WDR72: variants seen among roughly 807,000 people sequenced by gnomAD.
WDR72 encodes the protein WD repeat-containing protein 72.
WDR72 carries 120 observed loss-of-function variants against 124.2 expected under a neutral mutation model. The observed-to-expected ratio is 0.97, with a 90% CI of 0.83 to 1.12. WDR72 has a LOEUF of 1.12. WDR72 is among the 50% of genes most tolerant of loss of function. The pLI is 0.00. For synonymous variants in WDR72, 452 were observed against 441.7 expected, an observed-to-expected ratio of 1.02 and a Z score of -0.29; for missense variants, 1,387 against 1,278.8, an observed-to-expected ratio of 1.08 and a Z score of -1.29.
intron 11 of WDR72, among the ~76,000 whole-genome samples, chr15:53,703,240 A>C (rs1206810743): frequency 1.3e-5 from 2 of 152,188 alleles, no homozygotes; most frequent in African/African-American, 4.8e-5. Context: ...AGAATGACTA[A>C]GTCTAGTATA....
chr15:53,724,545 G>C (rs1413495103), intron 2 of WDR72, among the ~76,000 whole-genome samples: 1 of 151,446 alleles, frequency 6.6e-6, no homozygotes, highest in African/African-American at 2.5e-5. Context: ...CAGAGCAGGA[G>C]ACAGAGAGTG....
chr15:53,553,892 C>T (rs1331322086), intron 18 of WDR72, among the ~76,000 whole-genome samples: 1 of 152,084 alleles, frequency 6.6e-6, no homozygotes, highest in African/African-American at 2.4e-5. Flanking sequence ...AGAAATATGG[C>T]TTTAAACTAA....
chr15:53,735,866 C>G (rs2018338748), intron 1 of WDR72, among the ~76,000 whole-genome samples: 1 of 150,124 alleles, frequency 6.7e-6, no homozygotes, highest in African/African-American at 2.4e-5. Flanking sequence ...AATTAAAAAC[C>G]CAAAGAAAAA....
intron 18 of WDR72, among the ~76,000 whole-genome samples, chr15:53,556,069 T>C (rs975407910): frequency 1.3e-5 from 2 of 152,174 alleles, no homozygotes; most frequent in African/African-American, 4.8e-5. Context: ...TGGATGACAA[T>C]GTATTCCATC....
chr15:53,621,038 CAT>C (rs1252510437), intron 14 of WDR72, among the ~76,000 whole-genome samples: 11 of 151,916 alleles, frequency 7.2e-5, no homozygotes, highest in Admixed American at 5.9e-4. Flanking sequence ...TGCCAACAAA[CAT>C]ATAAAAAATG....
chr15:53,732,975 A>G (rs775058287), intron 2 of WDR72, 22 bp downstream of exon 2: 3 of 1,613,980 alleles, frequency 1.9e-6, no homozygotes, highest in Non-Finnish European at 2.5e-6. Context: ...TGTCTGTTTC[A>G]ATATCAGTAG....
At chr15:53,581,405 C>T (rs1321775722) in intron 18 of WDR72, among the ~76,000 whole-genome samples, 1 of 151,948 alleles carries the variant, frequency 6.6e-6, no homozygotes, top group Non-Finnish European at 1.5e-5. Flanking sequence ...GAAAATTAAA[C>T]AATTAAGGTA....
intron 18 of WDR72, among the ~76,000 whole-genome samples, chr15:53,552,633 A>T (rs1348657925): frequency 6.6e-6 from 1 of 152,168 alleles, no homozygotes; most frequent in Non-Finnish European, 1.5e-5. Context: ...ATGTTTTATA[A>T]GATCGAAAAC....
intron 13 of WDR72, among the ~76,000 whole-genome samples, chr15:53,677,929 CA>C (rs1480859882): frequency 6.6e-6 from 1 of 152,054 alleles, no homozygotes; most frequent in African/African-American, 2.4e-5. Flanking sequence ...AATGGAAGAT[CA>C]GGAAGAATAA....
intron 17 of WDR72, among the ~76,000 whole-genome samples, chr15:53,602,216 A>T (rs1906393): frequency 0.31 from 46,655 of 152,006 alleles, 7,372 homozygotes; most frequent in Admixed American, 0.4. Flanking sequence ...ATGGAAATTG[A>T]ATAACCTACT....
intron 13 of WDR72, among the ~76,000 whole-genome samples, chr15:53,688,642 A>G (rs921361933): frequency 2.0e-5 from 3 of 152,174 alleles, no homozygotes; most frequent in African/African-American, 4.8e-5. Flanking sequence ...TACTGCCCCA[A>G]GGTAATTTAC....
chr15:53,667,722 C>T (rs1396630834), intron 13 of WDR72, among the ~76,000 whole-genome samples: 3 of 152,138 alleles, frequency 2.0e-5, no homozygotes, highest in Admixed American at 2.0e-4. Context: ...TCTGTGGCTC[C>T]TCAAACTATG....
intron 12 of WDR72, 151 bp from the exon 13 acceptor site, chr15:53,700,096 A>T: frequency 1.2e-6 from 1 of 861,144 alleles, no homozygotes; most frequent in South Asian, 1.6e-5. Flanking sequence ...CCTTTCATGT[A>T]ACCCTCTACA....
intron 3 of WDR72, 28 bp downstream of exon 3, chr15:53,722,774 G>A (rs1426700702): frequency 1.9e-6 from 3 of 1,592,604 alleles, no homozygotes; most frequent in African/African-American, 1.3e-5. Flanking sequence ...AAATGGAGAA[G>A]GGGACAAAGT....
At chr15:53,691,597 T>C (rs575162367) in intron 13 of WDR72, among the ~76,000 whole-genome samples, 13 of 141,284 alleles carry the variant, frequency 9.2e-5, no homozygotes, top group Admixed American at 7.5e-4. Context: ...ACATGTAAAA[T>C]GATAGACAGA....
chr15:53,745,726 G>A (rs995088029), intron 1 of WDR72, among the ~76,000 whole-genome samples: 9 of 152,134 alleles, frequency 5.9e-5, no homozygotes, highest in African/African-American at 2.2e-4. Context: ...GCATAGTAGG[G>A]TCTCTGGTAT....
chr15:53,733,071 C>G lies in WDR72; in HGVS notation c.79G>C (p.Asp27His). The change falls in exon 2 of 20, where the codon GAT becomes CAT. Residue 27 changes from aspartate (D) to histidine (H), a missense_variant. Transcript: ENST00000360509. ...PHSITAIMIT[D>H]DQRTIVTGSQ... ...CCAGTCACAATCGTTCGCTGGTCAT[C>G]AGTGATCATGATGGCAGTGATGCTG... 1 of 1,614,054 alleles carries G rather than the reference C, an allele frequency of 6.2e-7. No individual in the cohort carries two copies. The highest frequency in any genetic ancestry group is 1.1e-5 in the South Asian group (1 of 91,076).
chr15:53,607,851 T>C (rs1431556684), intron 17 of WDR72, among the ~76,000 whole-genome samples: 2 of 151,842 alleles, frequency 1.3e-5, no homozygotes, highest in Non-Finnish European at 2.9e-5. Context: ...CCAAAATAAT[T>C]GAATAGACAT....
chr15:53,666,200 A>C (rs1218059339), intron 13 of WDR72, among the ~76,000 whole-genome samples: 2 of 152,176 alleles, frequency 1.3e-5, no homozygotes, highest in Non-Finnish European at 2.9e-5. Flanking sequence ...CACATAATTT[A>C]AATGAATGGA....
Sources: allele counts gnomAD v4.1 joint callset (sites outside exome capture counted in the v4.1 genomes callset), GRCh38; gene constraint gnomAD v4.1.1; transcripts MANE v1.5; gene names NCBI Gene and HGNC (gene_info 2026-07-23, HGNC 2026-07-21).